Variants in ROBO2 observed in about 807,000 individuals in gnomAD.
The protein encoded by ROBO2 is roundabout homolog 2.
ROBO2 carries 53 observed loss-of-function variants against 160.8 expected under a neutral mutation model. That is an observed-to-expected ratio of 0.33 (90% CI 0.26 to 0.41). ROBO2 has a LOEUF of 0.41. Among genes scored for constraint, ROBO2 ranks in the 10% least tolerant of loss-of-function variants. The pLI is 1.00. For synonymous variants in ROBO2, 664 were observed against 611.7 expected (o/e 1.09, Z -1.26); for missense variants, 1,577 against 1,722.4 (o/e 0.92, Z 1.49).
intron 2 of ROBO2, among the ~76,000 whole-genome samples, chr3:76,702,492 G>T (rs1454829070): frequency 6.6e-6 from 1 of 151,600 alleles, no homozygotes; most frequent in East Asian, 1.9e-4. Context: ...CACATTCAGA[G>T]AAGTTATTTA....
In ROBO2 at chr3:76,049,383, G is replaced by GTGTGTGTATATATATA. The variant is rs1440395230; in HGVS notation, c.109+111782_109+111783insGTGTGTATATATATAT. 3.9e-3 allele frequency among the ~76,000 whole-genome samples: 143 copies of GTGTGTGTATATATATA among 36,792 alleles called. 18 individuals are homozygous for GTGTGTGTATATATATA. The highest frequency in any genetic ancestry group is 0.012 in the African/African-American group (110 of 8,856). 24.1% of individuals were successfully genotyped at this position (36,792 alleles called of 152,430 possible). ...ATGCCACCACCCCTGGCTAATTTTAGTATATATATATATATATATATTTTT... is the reference window on the plus strand; with the variant it reads ...ATGCCACCACCCCTGGCTAATTTTAGTGTGTGTATATATATATATATATATATATATATATATTTTT... On this transcript the variant is annotated intron_variant, in intron 2 of 26. Transcript: ENST00000487694.
chr3:76,050,862 T>C (rs942401574), intron 2 of ROBO2, among the ~76,000 whole-genome samples: 12 of 152,230 alleles, frequency 7.9e-5, no homozygotes, highest in Non-Finnish European at 2.9e-5. Context: ...TTGAAATTAC[T>C]AACATTCCTA....
At chr3:76,314,471 T>C (rs543728603) in intron 2 of ROBO2, among the ~76,000 whole-genome samples, 240 of 152,132 alleles carry the variant, frequency 1.6e-3, no homozygotes, top group African/African-American at 5.5e-3. Context: ...TATACATATG[T>C]ATTGAGTTCA....
At chr3:77,375,159 C>G (rs1003371021) in intron 2 of ROBO2, among the ~76,000 whole-genome samples, 1 of 152,206 alleles carries the variant, frequency 6.6e-6, no homozygotes, top group South Asian at 2.1e-4. Context: ...TTCCAGTGAG[C>G]TATGATTGTG....
chr3:77,419,183 A>C (rs1366180348), intron 2 of ROBO2, among the ~76,000 whole-genome samples: 1 of 152,096 alleles, frequency 6.6e-6, no homozygotes, highest in Non-Finnish European at 1.5e-5. Flanking sequence ...TGTCTGGTTT[A>C]AGTAATGTCC....
intron 2 of ROBO2, among the ~76,000 whole-genome samples, chr3:77,336,950 T>C (rs1025830761): frequency 3.3e-5 from 5 of 152,176 alleles, no homozygotes; most frequent in Non-Finnish European, 7.3e-5. Context: ...ATTCGGTATA[T>C]GTCTCCAGGA....
intron 2 of ROBO2, among the ~76,000 whole-genome samples, chr3:76,982,253 T>C (rs998473215): frequency 4.6e-5 from 7 of 152,190 alleles, no homozygotes; most frequent in African/African-American, 1.7e-4. Context: ...GTTTTTTATA[T>C]GGTATGAGTT....
intron 2 of ROBO2, among the ~76,000 whole-genome samples, chr3:76,788,351 T>A (rs2108691570): frequency 6.6e-6 from 1 of 151,622 alleles, no homozygotes; most frequent in South Asian, 2.1e-4. Context: ...TGCCTTACCT[T>A]CTTAGCCCTT....
At chr3:77,233,314 C>T (rs914449165) in intron 2 of ROBO2, among the ~76,000 whole-genome samples, 11 of 152,022 alleles carry the variant, frequency 7.2e-5, no homozygotes, top group Non-Finnish European at 1.5e-4. Context: ...AATCCTTGCC[C>T]CCCCCTCCAC....
intron 2 of ROBO2, among the ~76,000 whole-genome samples, chr3:77,277,034 C>T (rs770411933): frequency 2.6e-5 from 4 of 151,888 alleles, no homozygotes; most frequent in Admixed American, 2.0e-4. Context: ...GATATGGGTG[C>T]GGACACAGTC....
chr3:76,962,638 C>CAAAAAAAA lies in ROBO2; in HGVS notation c.110-135375_110-135374insAAAAAAAA, dbSNP rs1318082985. Among the ~76,000 whole-genome samples the CAAAAAAAA allele has an allele frequency of 6.0e-5, 3 of 50,266 alleles. 1 individual carries two copies. The highest frequency in any genetic ancestry group is 9.9e-5 in the Non-Finnish European group (3 of 30,298). 33.0% of individuals were successfully genotyped at this position (50,266 alleles called of 152,430 possible). ...GGGCAACAAGAGTGAAACTCGATCT[C>CAAAAAAAA]AGAAAAAAAAAAAAAAAAAAAAGCT... is the stretch of plus-strand genomic sequence containing the variant. On this transcript the variant is annotated intron_variant, in intron 2 of 26. Transcript: ENST00000487694.
At chr3:76,755,325 C>G (rs1390901617) in intron 2 of ROBO2, among the ~76,000 whole-genome samples, 1 of 151,740 alleles carries the variant, frequency 6.6e-6, no homozygotes, top group Non-Finnish European at 1.5e-5. Flanking sequence ...GATTATCAGA[C>G]CTCGTATTAT....
intron 1 of ROBO2, among the ~76,000 whole-genome samples, chr3:77,051,422 A>G (rs1402432174): frequency 6.6e-6 from 1 of 152,102 alleles, no homozygotes; most frequent in East Asian, 1.9e-4. Flanking sequence ...CCAACAGACA[A>G]CTTGTATTTT....
At chr3:77,219,092 C>G (rs2085368708) in intron 2 of ROBO2, among the ~76,000 whole-genome samples, 1 of 151,950 alleles carries the variant, frequency 6.6e-6, no homozygotes, top group Admixed American at 6.6e-5. Flanking sequence ...CCTCAGCCTC[C>G]TGAGTAGCTG....
At chr3:76,316,992 C>T (rs2072087855) in intron 2 of ROBO2, among the ~76,000 whole-genome samples, 1 of 152,168 alleles carries the variant, frequency 6.6e-6, no homozygotes. Context: ...TAAAATGCTT[C>T]TAACCTGCAT....
chr3:77,079,006 C>T (rs369810599), intron 1 of ROBO2, among the ~76,000 whole-genome samples: 3 of 152,080 alleles, frequency 2.0e-5, no homozygotes, highest in East Asian at 1.9e-4. Flanking sequence ...TGCAGTGGTG[C>T]GATCTCGGCT....
chr3:76,030,240 A>G (rs1040274770), intron 2 of ROBO2, among the ~76,000 whole-genome samples: 5 of 149,646 alleles, frequency 3.3e-5, no homozygotes, highest in African/African-American at 1.2e-4. Flanking sequence ...AAATTTGTTT[A>G]AGTTCCTTGT....
In ROBO2 at chr3:76,837,983, A is replaced by G. The variant is rs149556068; in HGVS notation, c.110-260031A>G. Among the ~76,000 whole-genome samples, 21 of 152,176 alleles carry G rather than the reference A, an allele frequency of 1.4e-4. No individual in the cohort carries two copies. The East Asian group carries it at 3.3e-3, about 24-fold the overall frequency. ...ATATGCAGTCTTCTTAAAGCTAAAGAGGCAATACTCTTTCATCTAATGAAA... is the reference window on the plus strand; with the variant it reads ...ATATGCAGTCTTCTTAAAGCTAAAGGGGCAATACTCTTTCATCTAATGAAA... On this transcript the variant is annotated intron_variant, in intron 2 of 26. Coordinates refer to the ROBO2 transcript ENST00000487694.
chr3:76,328,018 A>G (rs910772380), intron 2 of ROBO2, among the ~76,000 whole-genome samples: 77 of 151,464 alleles, frequency 5.1e-4, no homozygotes, highest in South Asian at 6.3e-4. Flanking sequence ...TTCAAAGGGG[A>G]AAAAAAAAGA....
Sources: allele counts gnomAD v4.1 joint callset (sites outside exome capture counted in the v4.1 genomes callset), GRCh38; gene constraint gnomAD v4.1.1; transcripts MANE v1.5; gene names NCBI Gene and HGNC (gene_info 2026-07-23, HGNC 2026-07-21).